RPAP3: variants seen among roughly 807,000 people sequenced by gnomAD.
RPAP3 encodes the protein RNA polymerase II associated protein 3, also known as RNA polymerase II-associated protein 3.
In RPAP3, 58 loss-of-function variants were observed where a neutral mutation model predicts 88.8. The ratio of observed to expected loss-of-function variants is 0.65; its 90% CI spans 0.53 to 0.81. The LOEUF (loss-of-function observed/expected upper bound fraction) is 0.81. Ranked by LOEUF, RPAP3 falls within the 40% of genes least tolerant of loss-of-function variation. The pLI is 0.00. For synonymous variants in RPAP3, 255 were observed against 259.9 expected, an observed-to-expected ratio of 0.98 and a Z score of 0.18; for missense variants, 751 against 764.3, an observed-to-expected ratio of 0.98 and a Z score of 0.20.
At position 47,701,547 on chromosome 12, in the gene RPAP3, C is replaced by G. The variant is rs200333932; in HGVS notation, c.211G>C (p.Glu71Gln). Residue 71 changes from glutamate to glutamine, a missense_variant, in exon 3 of 17, where the codon GAG (glutamate) becomes CAG (glutamine). By Grantham distance (29) the Glu-to-Gln change is conservative. Transcript: ENST00000005386. ...TCCTCTCTGGTTTTTTTGGAAGACT[C>G]TTTAGCTTTGCCTTTCTTCTTTTTC... Reference protein sequence around the residue: ...FRKKKKGKAKESSKKTREENT... With the variant: ...FRKKKKGKAKQSSKKTREENT... The G allele has an allele frequency of 4.6e-5, 73 of 1,599,922 alleles. No homozygotes were observed. Among genetic ancestry groups the G allele is most frequent in the Non-Finnish European group, 5.9e-5 (69 of 1,174,180 alleles).
At chr12:47,681,235 C>T (rs1939216596) in intron 10 of RPAP3, among the ~76,000 whole-genome samples, 1 of 152,054 alleles carries the variant, frequency 6.6e-6, no homozygotes, top group African/African-American at 2.4e-5. Flanking sequence ...GCCTTAAGGC[C>T]AGGACAAGGA....
chr12:47,702,781 TTCTTCTGCATTTTGTTTCACTTG>T lies in RPAP3; in HGVS notation c.37_59del (p.Gln13IlefsTer16). 6.2e-7 allele frequency: 1 copy of T among 1,612,968 alleles called. No homozygotes were observed. The highest frequency in any genetic ancestry group is 8.5e-7 in the Non-Finnish European group (1 of 1,179,142). The stretch of plus-strand genomic sequence containing the variant: ...CTAAATCCCGCATAAAGTCTTGTAA[TTCTTCTGCATTTTGTTTCACTTG>T]TAGTTGTAATTCGATTGCTTTATTT... On this transcript the variant is annotated frameshift_variant, in exon 2 of 17. Transcript: ENST00000005386. LOFTEE classifies it high-confidence loss of function.
At chr12:47,692,246 C>T (rs140262195) in intron 5 of RPAP3, among the ~76,000 whole-genome samples, 90 of 152,306 alleles carry the variant, frequency 5.9e-4, no homozygotes, top group African/African-American at 2.0e-3. Flanking sequence ...TCCTTTGAAG[C>T]CAGGCATTCT....
rs551775565 is a variant in RPAP3 at position 47,691,707 on chromosome 12, G to A, written c.546-1068C>T. On this transcript the variant is annotated intron_variant, in intron 5 of 16. Coordinates refer to ENST00000005386, the MANE Select transcript of RPAP3 (RefSeq NM_024604.3). The stretch of plus-strand genomic sequence containing the variant: ...CATCTCCATCAGAGATCTTGGGTGA[G>A]TAGGTGCGCTGTCAGTACACTACTT... Among the ~76,000 whole-genome samples the A allele has an allele frequency of 1.2e-4, 18 of 152,266 alleles. No homozygotes were observed. In the South Asian group the frequency reaches 3.7e-3, roughly 32 times the overall value.
At chr12:47,687,776 A>C in intron 8 of RPAP3, 100 bp downstream of exon 8, 1 of 1,374,816 alleles carries the variant, frequency 7.3e-7, no homozygotes, top group Non-Finnish European at 9.7e-7. Flanking sequence ...ACTCAAGCAA[A>C]ACTTTAATAT....
intron 2 of RPAP3, among the ~76,000 whole-genome samples, chr12:47,701,908 AC>A (rs1445750010): frequency 6.6e-6 from 1 of 152,222 alleles, no homozygotes; most frequent in Non-Finnish European, 1.5e-5. Flanking sequence ...CAGCCTTAGT[AC>A]GATGAACCAG....
intron 16 of RPAP3, among the ~76,000 whole-genome samples, chr12:47,666,744 G>A (rs1293587073): frequency 6.6e-6 from 1 of 152,144 alleles, no homozygotes; most frequent in Non-Finnish European, 1.5e-5. Flanking sequence ...TAAAAGGAGA[G>A]TGAAAACAGT....
chr12:47,685,412 A>G (rs1228341833), intron 9 of RPAP3, among the ~76,000 whole-genome samples: 2 of 151,838 alleles, frequency 1.3e-5, no homozygotes, highest in Non-Finnish European at 2.9e-5. Context: ...TTTCCATATC[A>G]CATTATAACG....
intron 16 of RPAP3, among the ~76,000 whole-genome samples, chr12:47,665,790 G>A (rs1409670675): frequency 6.6e-6 from 1 of 151,616 alleles, no homozygotes; most frequent in Non-Finnish European, 1.5e-5. Context: ...ACAGATGCAC[G>A]CCACTGCAAC....
intron 3 of RPAP3, among the ~76,000 whole-genome samples, chr12:47,700,946 G>C (rs1462515557): frequency 2.0e-5 from 3 of 152,190 alleles, no homozygotes; most frequent in African/African-American, 7.2e-5. Context: ...GTTAGAGAAG[G>C]TGGCGTAGAG....
Position 47,705,958 on chromosome 12 carries a change from A to G in RPAP3, c.-13T>C, listed in dbSNP as rs1939788736. On this transcript the variant is annotated 5_prime_UTR_variant, in exon 1 of 17. Coordinates refer to ENST00000005386, the MANE Select transcript of RPAP3 (RefSeq NM_024604.3). ...AACCGCAACGCCCGCTCACCTGACC[A>G]GGCCGTAACCCGCCGCACTGCCACC... The G allele has an allele frequency of 6.5e-6, 1 of 153,046 alleles. No homozygotes were observed. Among genetic ancestry groups the G allele is most frequent in the South Asian group, 2.1e-4 (1 of 4,844 alleles). 9.5% of individuals were successfully genotyped at this position (153,046 alleles called of 1,614,324 possible).
At chr12:47,670,710 G>A (rs778309573) in intron 12 of RPAP3, among the ~76,000 whole-genome samples, 1 of 152,218 alleles carries the variant, frequency 6.6e-6, no homozygotes, top group African/African-American at 2.4e-5. Context: ...GTGCAGCACA[G>A]TCAGTGGAAA....
At chr12:47,675,837 G>A (rs541725121) in intron 12 of RPAP3, among the ~76,000 whole-genome samples, 6 of 152,130 alleles carry the variant, frequency 3.9e-5, no homozygotes, top group Admixed American at 1.3e-4. Context: ...ACAGATCAAC[G>A]AGACAGAAGG....
chr12:47,699,355 T>C (rs1220782852), intron 3 of RPAP3: 1 of 152,184 alleles, frequency 6.6e-6, no homozygotes, highest in Non-Finnish European at 1.5e-5. Context: ...GAACAGGCTA[T>C]ATAACAAAAA....
chr12:47,684,681 A>G (rs960930484), intron 9 of RPAP3, among the ~76,000 whole-genome samples: 2 of 152,258 alleles, frequency 1.3e-5, no homozygotes, highest in African/African-American at 4.8e-5. Flanking sequence ...AATAAATTAG[A>G]TATCTTATAA....
chr12:47,702,131 CATTT>C (rs1939665334), intron 2 of RPAP3, among the ~76,000 whole-genome samples: 1 of 152,182 alleles, frequency 6.6e-6, no homozygotes, highest in African/African-American at 2.4e-5. Context: ...TGATGCTAGT[CATTT>C]ATTTACCTCT....
Position 47,668,931 on chromosome 12 carries a change from C to A in RPAP3, c.1698G>T (p.Leu566Phe), listed in dbSNP as rs1938936885. Residue 566 changes from leucine (L) to phenylalanine (F), a missense_variant, in exon 14 of 17, where the codon TTG (leucine) becomes TTT (phenylalanine). Leu to Phe is a conservative substitution (Grantham distance 22). Coordinates refer to ENST00000005386, the MANE Select transcript of RPAP3 (RefSeq NM_024604.3). ...FRQLKSSPDM[L>F]YQYLKQIEPS... ...TCTCTCTTACCTTTAAATACTGATA[C>A]AACATATCTGGAGAACTTTTCAATT... 6.2e-7 allele frequency: 1 copy of A among 1,613,212 alleles called. No homozygotes were observed. Among genetic ancestry groups the A allele is most frequent in the Admixed American group, 1.7e-5 (1 of 59,992 alleles).
At chr12:47,686,715 TA>T in intron 9 of RPAP3, 64 bp downstream of exon 9, 1 of 1,288,868 alleles carries the variant, frequency 7.8e-7, no homozygotes, top group Non-Finnish European at 1.0e-6. Flanking sequence ...TAACTTATGG[TA>T]AAAATTTACC....
chr12:47,664,298 G>A (rs928186185), intron 16 of RPAP3, among the ~76,000 whole-genome samples: 2 of 152,016 alleles, frequency 1.3e-5, no homozygotes, highest in African/African-American at 4.8e-5. Flanking sequence ...GCTGAGGCAG[G>A]AGAATGGCGT....
Sources: allele counts gnomAD v4.1 joint callset (sites outside exome capture counted in the v4.1 genomes callset), GRCh38; gene constraint gnomAD v4.1.1; transcripts MANE v1.5; gene names NCBI Gene and HGNC (gene_info 2026-07-23, HGNC 2026-07-21).